BCAS3: variants seen among roughly 807,000 people sequenced by gnomAD.
BCAS3 encodes BCAS3 microtubule associated cell migration factor.
A neutral mutation model predicts 116.1 loss-of-function variants in BCAS3; 53 were observed. That is an observed-to-expected ratio of 0.46 (90% CI 0.37 to 0.57). The LOEUF (loss-of-function observed/expected upper bound fraction) is 0.57, where lower values mean the gene tolerates loss of function less well. Ranked by LOEUF, BCAS3 falls within the 20% of genes least tolerant of loss-of-function variation. BCAS3 has a pLI of 0.00. For synonymous variants in BCAS3, 391 were observed against 408.2 expected (o/e 0.96, Z 0.51); for missense variants, 917 against 1,165.4 (o/e 0.79, Z 3.10).
chr17:61,107,692 A>G (rs1038074825), intron 22 of BCAS3, among the ~76,000 whole-genome samples: 5 of 152,196 alleles, frequency 3.3e-5, no homozygotes, highest in African/African-American at 7.2e-5. Flanking sequence ...TCAATAGTCT[A>G]TTCCCTTTAA....
intron 14 of BCAS3, among the ~76,000 whole-genome samples, chr17:60,953,210 T>C (rs2145272127): frequency 6.6e-6 from 1 of 152,314 alleles, no homozygotes. Flanking sequence ...TCCCCAGTGA[T>C]GGAACTAACT....
At chr17:61,155,160 GA>G (rs2077759800) in intron 22 of BCAS3, among the ~76,000 whole-genome samples, 1 of 152,004 alleles carries the variant, frequency 6.6e-6, no homozygotes, top group South Asian at 2.1e-4. Context: ...GCTTACATAT[GA>G]TTTTTTTTTA....
chr17:60,695,402 G>A (rs1218679050), intron 4 of BCAS3, among the ~76,000 whole-genome samples: 7 of 152,078 alleles, frequency 4.6e-5, no homozygotes, highest in African/African-American at 1.7e-4. Context: ...GTGAGCCACC[G>A]CGCCCAGCCC....
chr17:60,969,297 T>A (rs1250997935), intron 14 of BCAS3, among the ~76,000 whole-genome samples: 4 of 152,216 alleles, frequency 2.6e-5, no homozygotes, highest in African/African-American at 9.6e-5. Flanking sequence ...CTATTATTAC[T>A]ATGCTCAGTG....
intron 6 of BCAS3, among the ~76,000 whole-genome samples, chr17:60,768,791 C>A (rs2044361630): frequency 6.6e-6 from 1 of 152,108 alleles, no homozygotes; most frequent in Admixed American, 6.5e-5. Flanking sequence ...TCCAGGATGG[C>A]TTGCACTGGC....
chr17:61,075,866 C>T (rs1601017915), intron 20 of BCAS3, among the ~76,000 whole-genome samples: 1 of 152,204 alleles, frequency 6.6e-6, no homozygotes, highest in East Asian at 1.9e-4. Flanking sequence ...TCTAAGCCAG[C>T]CCTACAACAT....
In BCAS3 at chr17:61,355,056, G is replaced by T. The variant is rs944014812; in HGVS notation, c.2426-13271G>T. 1 of 152,142 alleles carries T rather than the reference G, an allele frequency of 6.6e-6. No homozygotes were observed. Among genetic ancestry groups the T allele is most frequent in the Non-Finnish European group, 1.5e-5 (1 of 68,054 alleles). The allele number at this position is 152,142 out of a possible 1,614,324, so 9.4% of individuals were successfully genotyped here. A position where few individuals can be genotyped will look rare whatever the true frequency, so the allele number is the denominator to read the frequency against. On this transcript the variant is annotated intron_variant, in intron 22 of 23. Coordinates refer to ENST00000407086, the MANE Select transcript of BCAS3 (RefSeq NM_017679.5). The surrounding 1 kb of genome is among the most constrained non-coding windows in gnomAD (Gnocchi z 4.2). ...TTGAAATTCCCAAGGCCAGCAGGGG[G>T]CCCAGGCCTGCAAAGCTGGGCCTCC...
Position 61,224,272 on chromosome 17 carries a change from T to C in BCAS3, c.2425+139708T>C, listed in dbSNP as rs925687400. 2.0e-5 allele frequency among the ~76,000 whole-genome samples: 3 copies of C among 152,208 alleles called. No individual in the cohort carries two copies. Among genetic ancestry groups the C allele is most frequent in the Non-Finnish European group, 4.4e-5 (3 of 68,046 alleles). ...TTAGCAGGAAGATGGACTGAGTATA[T>C]GTATGACTATAAAGTGATATCAAAA... On this transcript the variant is annotated intron_variant, in intron 22 of 23. Coordinates refer to ENST00000407086, the MANE Select transcript of BCAS3 (RefSeq NM_017679.5). The surrounding 1 kb of genome is among the most constrained non-coding windows in gnomAD (Gnocchi z 5.7).
chr17:60,691,859 G>A (rs549198352), intron 4 of BCAS3, among the ~76,000 whole-genome samples: 2 of 152,066 alleles, frequency 1.3e-5, no homozygotes, highest in African/African-American at 4.8e-5. Context: ...TTTATGGAGA[G>A]TAAAACATTA....
intron 15 of BCAS3, among the ~76,000 whole-genome samples, chr17:61,015,182 A>G (rs1033409128): frequency 6.6e-6 from 1 of 152,230 alleles, no homozygotes; most frequent in Non-Finnish European, 1.5e-5. Context: ...AAGCAGGGCA[A>G]CAAACCACTT....
chr17:60,761,329 A>G (rs2069109379), intron 6 of BCAS3, among the ~76,000 whole-genome samples: 1 of 152,092 alleles, frequency 6.6e-6, no homozygotes, highest in South Asian at 2.1e-4. Context: ...CGTCATTGAC[A>G]TTAGATATTT....
intron 22 of BCAS3, among the ~76,000 whole-genome samples, chr17:61,176,831 G>A (rs991024914): frequency 3.9e-5 from 6 of 152,102 alleles, no homozygotes; most frequent in African/African-American, 9.7e-5. Flanking sequence ...AAAGTGCCAG[G>A]ATTATAGGCA....
intron 13 of BCAS3, 75 bp from the exon 14 acceptor site, chr17:60,947,144 G>A: frequency 7.1e-7 from 1 of 1,401,306 alleles, no homozygotes; most frequent in Non-Finnish European, 9.7e-7. Context: ...TTTAAATATT[G>A]TGAATAGCTT....
intron 14 of BCAS3, among the ~76,000 whole-genome samples, chr17:60,954,785 G>A (rs1315732582): frequency 6.6e-6 from 1 of 151,788 alleles, no homozygotes. Flanking sequence ...CCTTCTTGAG[G>A]GTAATAAGGA....
chr17:60,834,366 T>C (rs1385350388), intron 7 of BCAS3, among the ~76,000 whole-genome samples: 1 of 152,106 alleles, frequency 6.6e-6, no homozygotes, highest in Non-Finnish European at 1.5e-5. Flanking sequence ...TTTCCTGTTC[T>C]GTCTTGATAT....
chr17:61,321,015 A>T (rs905756746), intron 22 of BCAS3, among the ~76,000 whole-genome samples: 1 of 152,220 alleles, frequency 6.6e-6, no homozygotes, highest in African/African-American at 2.4e-5. Flanking sequence ...GATTCTTTTT[A>T]AAAAGACTCA....
chr17:61,084,420 GTTT>G lies in BCAS3; in HGVS notation c.2328-45_2328-43del. On this transcript the variant is annotated intron_variant, in intron 21 of 23. Transcript: ENST00000407086. The surrounding 1 kb of genome is among the most constrained non-coding windows in gnomAD (Gnocchi z 5.5). ...TTAAGGTCATTTGTAGCAAGTGACA[GTTT>G]TGATGCCAGTAACATATGTGAATTA... 1 of 1,482,712 alleles carries G rather than the reference GTTT, an allele frequency of 6.7e-7. No homozygotes were observed. 91.8% of individuals were successfully genotyped at this position (1,482,712 alleles called of 1,614,324 possible).
intron 13 of BCAS3, among the ~76,000 whole-genome samples, chr17:60,931,984 G>T (rs1280670180): frequency 6.6e-6 from 1 of 151,984 alleles, no homozygotes; most frequent in Non-Finnish European, 1.5e-5. Context: ...GAGGCAGGGG[G>T]ATTGCTTAAG....
In BCAS3 at chr17:61,349,048, G is replaced by T. The variant is rs1049989240; in HGVS notation, c.2426-19279G>T. Among the ~76,000 whole-genome samples the T allele has an allele frequency of 2.6e-5, 4 of 151,492 alleles. No homozygotes were observed. Among genetic ancestry groups the T allele is most frequent in the African/African-American group, 9.7e-5 (4 of 41,210 alleles). Reference sequence around the variant, plus strand: ...ATTACAGGCGTGAGCCACCGTGCCCGGCCCTCTTGGGCAGAGATTCTTAAG... The same window carrying T: ...ATTACAGGCGTGAGCCACCGTGCCCTGCCCTCTTGGGCAGAGATTCTTAAG... On this transcript the variant is annotated intron_variant, in intron 22 of 23. Coordinates refer to ENST00000407086, the MANE Select transcript of BCAS3 (RefSeq NM_017679.5). The surrounding 1 kb of genome is among the most constrained non-coding windows in gnomAD (Gnocchi z 4.7).
Sources: allele counts gnomAD v4.1 joint callset (sites outside exome capture counted in the v4.1 genomes callset), GRCh38; gene constraint gnomAD v4.1.1; non-coding constraint Gnocchi (gnomAD v3.1); transcripts MANE v1.5; gene names NCBI Gene and HGNC (gene_info 2026-07-23, HGNC 2026-07-21).